Variants in PPP1CC observed in about 807,000 individuals in gnomAD.
The protein encoded by PPP1CC is protein phosphatase 1 catalytic subunit gamma, also known as serine/threonine-protein phosphatase PP1-gamma catalytic subunit.
PPP1CC carries 16 observed loss-of-function variants against 38.4 expected under a neutral mutation model. The ratio of observed to expected loss-of-function variants is 0.42; its 90% CI spans 0.28 to 0.63. PPP1CC has a LOEUF of 0.63. Among genes scored for constraint, PPP1CC ranks in the 30% least tolerant of loss-of-function variants. The pLI, the probability that PPP1CC is intolerant of heterozygous loss-of-function variation, is 0.25. For synonymous variants in PPP1CC, 158 were observed against 136.0 expected, an observed-to-expected ratio of 1.16 and a Z score of -1.13; for missense variants, 170 against 391.3, an observed-to-expected ratio of 0.43 and a Z score of 4.77.
At chr12:110,727,909 G>A (rs1190482742) in intron 3 of PPP1CC, among the ~76,000 whole-genome samples, 3 of 152,246 alleles carry the variant, frequency 2.0e-5, no homozygotes, top group African/African-American at 4.8e-5. Flanking sequence ...AACAGGAGTC[G>A]AAACTGATAC....
In PPP1CC at chr12:110,742,130, A is replaced by C. The variant is rs147524433; in HGVS notation, c.55+523T>G. 4.7e-3 allele frequency among the ~76,000 whole-genome samples: 720 copies of C among 152,298 alleles called. 4 individuals carry two copies. Among genetic ancestry groups the C allele is most frequent in the African/African-American group, 0.017 (698 of 41,564 alleles). On this transcript the variant is annotated intron_variant, in intron 1 of 6. Coordinates refer to ENST00000335007, the MANE Select transcript of PPP1CC (RefSeq NM_002710.4). Reference sequence around the variant, plus strand: ...TGAACGCTTGTTACCAAGTAACAAGAAATGGGCCCCCCAAGACCCCAGAAC... The same window carrying C: ...TGAACGCTTGTTACCAAGTAACAAGCAATGGGCCCCCCAAGACCCCAGAAC...
downstream of PPP1CC, among the ~76,000 whole-genome samples, chr12:110,717,570 T>C (rs898428620): frequency 6.6e-6 from 1 of 150,802 alleles, no homozygotes; most frequent in African/African-American, 2.4e-5. Flanking sequence ...ATTTTTTCTA[T>C]TTTTTTTAGT....
intron 3 of PPP1CC, among the ~76,000 whole-genome samples, chr12:110,727,891 G>A (rs1046784725): frequency 2.6e-5 from 4 of 152,102 alleles, no homozygotes; most frequent in Non-Finnish European, 4.4e-5. Context: ...AAATTGTGTT[G>A]ATGACCAAAC....
At chr12:110,712,668 G>GAAAAA in the PPP1CC span, among the ~76,000 whole-genome samples, 11 of 91,210 alleles carry the variant, frequency 1.2e-4, no homozygotes, top group African/African-American at 1.4e-4. Context: ...AAAAAAAAAG[G>GAAAAA]GGGGGCACTG....
downstream of PPP1CC, among the ~76,000 whole-genome samples, chr12:110,716,534 A>C (rs1017387111): frequency 2.0e-5 from 3 of 151,876 alleles, no homozygotes; most frequent in Non-Finnish European, 4.4e-5. Context: ...TGTATTTTCA[A>C]TGGAGACAGG....
chr12:110,742,129 G>C (rs2070023967), intron 1 of PPP1CC, among the ~76,000 whole-genome samples: 1 of 152,220 alleles, frequency 6.6e-6, no homozygotes, highest in East Asian at 1.9e-4. Flanking sequence ...CAAGTAACAA[G>C]AAATGGGCCC....
rs17683157 is a variant in PPP1CC at position 110,733,418 on chromosome 12, T to C, written c.56-1517A>G. On this transcript the variant is annotated intron_variant, in intron 1 of 6. Coordinates refer to ENST00000335007, the MANE Select transcript of PPP1CC (RefSeq NM_002710.4). ...TCATACCATATAATGGCAAGCTTTG[T>C]TTTATGAATGCTATTGCAGTTAGTC... 4.5e-3 allele frequency among the ~76,000 whole-genome samples: 685 copies of C among 152,358 alleles called. 2 individuals carry two copies. Among genetic ancestry groups the C allele is most frequent in the Non-Finnish European group, 7.5e-3 (511 of 68,032 alleles).
At chr12:110,730,367 C>T (rs191849990) in intron 3 of PPP1CC, among the ~76,000 whole-genome samples, 162 bp downstream of exon 3, 4 of 152,010 alleles carry the variant, frequency 2.6e-5, no homozygotes, top group African/African-American at 7.2e-5. Context: ...CCCCCACCCC[C>T]CTAAAAAAGC....
chr12:110,718,286 G>A (rs1014487229), downstream of PPP1CC, among the ~76,000 whole-genome samples: 4 of 152,162 alleles, frequency 2.6e-5, no homozygotes, highest in Non-Finnish European at 4.4e-5. Context: ...ATAGATGATT[G>A]AGCGACTAAG....
chr12:110,717,456 T>C (rs964216067), downstream of PPP1CC, among the ~76,000 whole-genome samples: 1 of 152,138 alleles, frequency 6.6e-6, no homozygotes, highest in Non-Finnish European at 1.5e-5. Flanking sequence ...TGCAGTGGCG[T>C]GATCTCGGCT....
At chr12:110,713,545 T>C in the PPP1CC span, among the ~76,000 whole-genome samples, 1 of 152,080 alleles carries the variant, frequency 6.6e-6, no homozygotes, top group Non-Finnish European at 1.5e-5. Flanking sequence ...TGTACTAACA[T>C]CTTACTAATG....
At position 110,742,786 on chromosome 12, in the gene PPP1CC, A is replaced by C. The variant is rs2136575321; in HGVS notation, c.-79T>G. 1 of 1,188,088 alleles carries C rather than the reference A, an allele frequency of 8.4e-7. No individual in the cohort carries two copies. Among genetic ancestry groups the C allele is most frequent in the Non-Finnish European group, 1.1e-6 (1 of 916,326 alleles). The allele number at this position is 1,188,088 out of a possible 1,614,324, so 73.6% of individuals were successfully genotyped here. On this transcript the variant is annotated 5_prime_UTR_variant, in exon 1 of 7. Transcript: ENST00000335007. The stretch of plus-strand genomic sequence containing the variant: ...GGACTCACACCTCCTTTCCCACGCC[A>C]CGAGCAGAGGCGGTGGTGGCGGCGG...
chr12:110,741,545 C>T (rs1047094173), intron 1 of PPP1CC, among the ~76,000 whole-genome samples: 6 of 152,178 alleles, frequency 3.9e-5, no homozygotes, highest in African/African-American at 1.4e-4. Flanking sequence ...TCTTTAAAAG[C>T]TGAACCTCGC....
At position 110,720,962 on chromosome 12, in the gene PPP1CC, C is replaced by T. The variant is rs564827036; in HGVS notation, c.*114G>A. 1.0e-5 allele frequency: 8 copies of T among 770,864 alleles called. No homozygotes were observed. Among genetic ancestry groups the T allele is most frequent in the African/African-American group, 1.8e-5 (1 of 55,832 alleles). The allele number at this position is 770,864 out of a possible 1,614,324, so 47.8% of individuals were successfully genotyped here. The stretch of plus-strand genomic sequence containing the variant: ...ACTAAATCAAAAATGGAAGGAAGGG[C>T]CCCCACAAACACAGATCTATCTGAG... On this transcript the variant is annotated 3_prime_UTR_variant, in exon 7 of 7. Transcript: ENST00000335007.
intron 2 of PPP1CC, 94 bp downstream of exon 2, chr12:110,731,676 A>T: frequency 7.2e-7 from 1 of 1,385,290 alleles, no homozygotes; most frequent in South Asian, 1.5e-5. Context: ...CAAACAGGAT[A>T]ATCATTCTGC....
chr12:110,732,718 G>GAGAA (rs1157228211), intron 1 of PPP1CC: 3 of 152,226 alleles, frequency 2.0e-5, no homozygotes, highest in Non-Finnish European at 4.4e-5. Flanking sequence ...ATAATAATGG[G>GAGAA]AGAAAGAAAT....
At position 110,742,820 on chromosome 12, in the gene PPP1CC, G is replaced by T; in HGVS notation, c.-113C>A. The T allele has an allele frequency of 1.2e-6, 1 of 836,800 alleles. No individual in the cohort carries two copies. The highest frequency in any genetic ancestry group is 1.6e-6 in the Non-Finnish European group (1 of 608,966). 51.8% of individuals were successfully genotyped at this position (836,800 alleles called of 1,614,324 possible). ...GGCGGTGGTGGCGGCGGTGGCAGCA[G>T]CCGCGGCGGGTCCCCCCCCTGCCAC... is the stretch of plus-strand genomic sequence containing the variant. On this transcript the variant is annotated 5_prime_UTR_variant, in exon 1 of 7. In the 5' UTR this introduces an upstream ATG that the reference lacks. Transcript: ENST00000335007.
At chr12:110,734,774 C>G (rs2069922184) in intron 1 of PPP1CC, 1 of 153,482 alleles carries the variant, frequency 6.5e-6, no homozygotes, top group South Asian at 2.1e-4. Context: ...TCTTAAATTT[C>G]ACGTTGAATT....
chr12:110,717,093 G>C (rs564420007), downstream of PPP1CC, among the ~76,000 whole-genome samples: 1 of 152,280 alleles, frequency 6.6e-6, no homozygotes, highest in South Asian at 2.1e-4. Flanking sequence ...CTATTCATTG[G>C]TCTTATACCA....
Sources: allele counts gnomAD v4.1 joint callset (sites outside exome capture counted in the v4.1 genomes callset), GRCh38; gene constraint gnomAD v4.1.1; transcripts MANE v1.5; gene names NCBI Gene and HGNC (gene_info 2026-07-23, HGNC 2026-07-21).